The following KCNH8 variants were observed in gnomAD, a reference collection of about 807,000 sequenced individuals.
KCNH8 encodes voltage-gated delayed rectifier potassium channel KCNH8.
A neutral mutation model predicts 103.6 loss-of-function variants in KCNH8; 70 were observed. That is an observed-to-expected ratio of 0.68 (90% confidence interval 0.56 to 0.82). KCNH8 has a LOEUF of 0.82. KCNH8 is among the 40% of genes least tolerant of loss of function. KCNH8 has a pLI of 0.00. For synonymous variants in KCNH8, 498 were observed against 489.4 expected (o/e 1.02, Z -0.23); for missense variants, 1,217 against 1,329.9 (o/e 0.92, Z 1.32).
intron 5 of KCNH8, among the ~76,000 whole-genome samples, chr3:19,359,937 C>A: frequency 6.6e-6 from 1 of 151,946 alleles, no homozygotes; most frequent in East Asian, 1.9e-4. Flanking sequence ...TTACTGGATA[C>A]CTTCTGTGAA....
At chr3:19,195,730 A>G (rs113331780) in intron 1 of KCNH8, among the ~76,000 whole-genome samples, 114 of 152,070 alleles carry the variant, frequency 7.5e-4, no homozygotes, top group African/African-American at 2.4e-3. Flanking sequence ...AGATGTTTCA[A>G]CCTGGAACTG....
chr3:19,372,669 A>T (rs1216396942), intron 5 of KCNH8, among the ~76,000 whole-genome samples: 1 of 152,156 alleles, frequency 6.6e-6, no homozygotes, highest in Non-Finnish European at 1.5e-5. Flanking sequence ...GTGGTGAGAG[A>T]GGGCATCCCT....
rs1195718104 is a variant in KCNH8 at position 19,482,632 on chromosome 3, G to A, written c.2040+25650G>A. Among the ~76,000 whole-genome samples the A allele has an allele frequency of 5.9e-5, 9 of 152,096 alleles. No homozygotes were observed. In the East Asian group the frequency reaches 7.7e-4, roughly 13 times the overall value. On this transcript the variant is annotated intron_variant, in intron 11 of 15. Coordinates refer to ENST00000328405, the MANE Select transcript of KCNH8 (RefSeq NM_144633.3). ...TATAAAAGTTTTAAATTCTCCTAGC[G>A]CTGGGAGCCATTTTTTAAACATGGC...
At chr3:19,487,935 T>C (rs1271355690) in intron 11 of KCNH8, among the ~76,000 whole-genome samples, 1 of 152,166 alleles carries the variant, frequency 6.6e-6, no homozygotes, top group Non-Finnish European at 1.5e-5. Flanking sequence ...GCTCCGATTA[T>C]ATCAATGGTT....
At chr3:19,357,333 A>G (rs1373434574) in intron 5 of KCNH8, among the ~76,000 whole-genome samples, 1 of 151,858 alleles carries the variant, frequency 6.6e-6, no homozygotes, top group Non-Finnish European at 1.5e-5. Flanking sequence ...TATCATTCAG[A>G]GAGATATGGC....
rs2065674227 is a variant in KCNH8, at chr3:19,342,502, G to A, written c.443-85G>A. 4 of 1,352,170 alleles carry A rather than the reference G, an allele frequency of 3.0e-6. No homozygotes were observed. The South Asian group carries it at 5.7e-5, about 19-fold the overall frequency. 83.8% of individuals were successfully genotyped at this position (1,352,170 alleles called of 1,614,324 possible). A position where few individuals can be genotyped will look rare whatever the true frequency, so the allele number is the denominator to read the frequency against. ...AGGTATTGGAAAACATGTACAATAT[G>A]CTCTTGAAAGGGAACTGTCAAAATG... On this transcript the variant is annotated intron_variant, in intron 3 of 15. Transcript: ENST00000328405.
chr3:19,296,778 C>T (rs2065001202), intron 3 of KCNH8, among the ~76,000 whole-genome samples: 1 of 151,948 alleles, frequency 6.6e-6, no homozygotes. Flanking sequence ...ACCAAAATCT[C>T]ACAAATTGCC....
intron 1 of KCNH8, among the ~76,000 whole-genome samples, chr3:19,167,686 T>A (rs1156911050): frequency 6.6e-6 from 1 of 152,234 alleles, no homozygotes; most frequent in Non-Finnish European, 1.5e-5. Flanking sequence ...ATTCCATTTT[T>A]TATAGATAAC....
At chr3:19,409,704 C>T (rs771795269) in intron 7 of KCNH8, among the ~76,000 whole-genome samples, 1 of 152,000 alleles carries the variant, frequency 6.6e-6, no homozygotes, top group African/African-American at 2.4e-5. Context: ...AACAAAGAGT[C>T]GGAGTTACTA....
At chr3:19,479,850 G>C (rs2068052968) in intron 11 of KCNH8, among the ~76,000 whole-genome samples, 1 of 152,168 alleles carries the variant, frequency 6.6e-6, no homozygotes, top group African/African-American at 2.4e-5. Flanking sequence ...CAGTGAATAA[G>C]ATAAAATATG....
At chr3:19,180,640 C>T (rs1301987019) in intron 1 of KCNH8, among the ~76,000 whole-genome samples, 1 of 152,052 alleles carries the variant, frequency 6.6e-6, no homozygotes, top group Admixed American at 6.5e-5. Flanking sequence ...ATCTGGTTCA[C>T]TATACTTACA....
intron 5 of KCNH8, among the ~76,000 whole-genome samples, chr3:19,351,756 CAACCGG>C (rs1440156943): frequency 2.6e-5 from 4 of 152,128 alleles, no homozygotes; most frequent in Non-Finnish European, 4.4e-5. Flanking sequence ...TGGAAAGGAA[CAACCGG>C]TACCAGCCAC....
chr3:19,281,116 AT>A, intron 2 of KCNH8, 81 bp from the exon 3 acceptor site: 1 of 1,456,982 alleles, frequency 6.9e-7, no homozygotes, highest in Non-Finnish European at 9.4e-7. Context: ...TAAGGGCTTT[AT>A]TTTTTATTGA....
intron 3 of KCNH8, among the ~76,000 whole-genome samples, chr3:19,340,234 T>C (rs759080992): frequency 1.3e-5 from 2 of 152,216 alleles, no homozygotes; most frequent in Non-Finnish European, 2.9e-5. Flanking sequence ...AGGGGAGATA[T>C]CAAAGAGCTT....
intron 3 of KCNH8, among the ~76,000 whole-genome samples, chr3:19,291,526 T>C (rs2064925402): frequency 6.6e-6 from 1 of 152,220 alleles, no homozygotes; most frequent in Non-Finnish European, 1.5e-5. Flanking sequence ...AGGAGCAGGT[T>C]GTTCAGTTTC....
intron 2 of KCNH8, among the ~76,000 whole-genome samples, chr3:19,256,174 C>T (rs1575473199): frequency 6.6e-6 from 1 of 152,036 alleles, no homozygotes; most frequent in South Asian, 2.1e-4. Flanking sequence ...GTATTGAGAT[C>T]AATGTCAAGA....
chr3:19,289,002 G>C (rs1331887940), intron 3 of KCNH8, among the ~76,000 whole-genome samples: 5 of 152,114 alleles, frequency 3.3e-5, no homozygotes, highest in Non-Finnish European at 5.9e-5. Flanking sequence ...ATTTTTTCAC[G>C]TGTCTTTTGG....
At chr3:19,496,097 G>T (rs1295875044) in intron 11 of KCNH8, among the ~76,000 whole-genome samples, 1 of 152,156 alleles carries the variant, frequency 6.6e-6, no homozygotes, top group Admixed American at 6.5e-5. Context: ...GAGCTTTTGG[G>T]CAGAGACTAT....
At chr3:19,237,705 A>T (rs1006241959) in intron 1 of KCNH8, among the ~76,000 whole-genome samples, 1 of 152,230 alleles carries the variant, frequency 6.6e-6, no homozygotes, top group Non-Finnish European at 1.5e-5. Context: ...AAATCTGTGC[A>T]GTTAGTATAT....
Sources: gnomAD v4.1 joint callset for allele counts (sites outside exome capture counted in the v4.1 genomes callset) on GRCh38, gnomAD v4.1.1 for gene constraint, MANE v1.5 for transcripts, NCBI Gene and HGNC (gene_info 2026-07-23, HGNC 2026-07-21) for gene names.